Variants in GPC6 observed in about 807,000 individuals in gnomAD.
The protein encoded by GPC6 is glypican-6.
GPC6 carries 14 observed loss-of-function variants against 55.2 expected under a neutral mutation model. The observed-to-expected ratio is 0.25, with a 90% confidence interval of 0.17 to 0.40. GPC6 has a LOEUF of 0.40. Ranked by LOEUF, GPC6 falls within the 10% of genes least tolerant of loss-of-function variation. GPC6 has a pLI of 1.00. For synonymous variants in GPC6, 278 were observed against 259.6 expected (o/e 1.07, Z -0.68); for missense variants, 641 against 708.5 (o/e 0.90, Z 1.08).
chr13:94,093,352 T>G (rs964951844), intron 4 of GPC6, among the ~76,000 whole-genome samples: 1 of 152,138 alleles, frequency 6.6e-6, no homozygotes, highest in African/African-American at 2.4e-5. Context: ...CAGCATTTAT[T>G]GAAGATACTT....
intron 4 of GPC6, among the ~76,000 whole-genome samples, chr13:94,279,800 T>C (rs1892319710): frequency 6.6e-6 from 1 of 152,238 alleles, no homozygotes; most frequent in African/African-American, 2.4e-5. Flanking sequence ...CACTGTGGTC[T>C]GAGAGACTAT....
At chr13:94,016,202 G>A (rs890033977) in intron 3 of GPC6, among the ~76,000 whole-genome samples, 4 of 152,138 alleles carry the variant, frequency 2.6e-5, no homozygotes, top group African/African-American at 9.7e-5. Context: ...TCATGATGTA[G>A]CATATGATAG....
chr13:94,305,259 G>A (rs1430725431), intron 5 of GPC6, among the ~76,000 whole-genome samples: 2 of 152,148 alleles, frequency 1.3e-5, no homozygotes, highest in African/African-American at 4.8e-5. Flanking sequence ...AAGCCACTGG[G>A]CACAACAGTT....
chr13:93,234,508 G>GA (rs1187605840), intron 1 of GPC6, among the ~76,000 whole-genome samples: 3 of 152,148 alleles, frequency 2.0e-5, no homozygotes, highest in Non-Finnish European at 2.9e-5. Context: ...GGATTGAGGG[G>GA]AAAAAACAGA....
rs564034454 is a variant in GPC6, at chr13:93,317,823, C to T, written c.160+90207C>T. Among the ~76,000 whole-genome samples, 43 of 151,972 alleles carry T rather than the reference C, an allele frequency of 2.8e-4. No homozygotes were observed. The East Asian group carries it at 8.1e-3, about 29-fold the overall frequency. On this transcript the variant is annotated intron_variant, in intron 1 of 8. Coordinates refer to ENST00000377047, the MANE Select transcript of GPC6 (RefSeq NM_005708.5). ...CTTGTTATACAGTCTGTCTTTTTTC[C>T]TTTTGGAATTTCTTTTGTCTGTTAC...
intron 3 of GPC6, among the ~76,000 whole-genome samples, chr13:93,994,608 C>A (rs1881454550): frequency 6.6e-6 from 1 of 152,142 alleles, no homozygotes; most frequent in South Asian, 2.1e-4. Flanking sequence ...AACAGCCCCA[C>A]AAGCCAGGAA....
chr13:93,987,108 C>T (rs1484464760), intron 3 of GPC6, among the ~76,000 whole-genome samples: 4 of 152,126 alleles, frequency 2.6e-5, no homozygotes, highest in African/African-American at 9.7e-5. Flanking sequence ...AATACGCTCT[C>T]TCATGAGAAT....
chr13:93,406,054 A>G (rs1243870115), intron 1 of GPC6, among the ~76,000 whole-genome samples: 2 of 152,234 alleles, frequency 1.3e-5, no homozygotes, highest in Non-Finnish European at 2.9e-5. Flanking sequence ...CTTAGATTCC[A>G]GCATTTGCAT....
chr13:93,405,331 CA>C (rs1208753137), intron 1 of GPC6, among the ~76,000 whole-genome samples: 1 of 152,096 alleles, frequency 6.6e-6, no homozygotes, highest in Non-Finnish European at 1.5e-5. Flanking sequence ...GTATGGGATT[CA>C]AAAATGGACC....
At chr13:93,612,541 A>ACACACACACT (rs1236381421) in intron 2 of GPC6, among the ~76,000 whole-genome samples, 2 of 150,932 alleles carry the variant, frequency 1.3e-5, no homozygotes, top group Non-Finnish European at 2.9e-5. Flanking sequence ...ACACACACAC[A>ACACACACACT]CAAACTTCAT....
At chr13:93,343,654 T>C (rs564576711) in intron 1 of GPC6, among the ~76,000 whole-genome samples, 1 of 152,342 alleles carries the variant, frequency 6.6e-6, no homozygotes, top group African/African-American at 2.4e-5. Flanking sequence ...ATGAAGACCC[T>C]TTTAATGCCT....
At chr13:93,611,540 C>A (rs533025114) in intron 2 of GPC6, among the ~76,000 whole-genome samples, 5 of 152,166 alleles carry the variant, frequency 3.3e-5, no homozygotes, top group Admixed American at 6.5e-5. Context: ...TTTTAAAATT[C>A]TAAAGCTTTG....
At chr13:94,238,014 G>A (rs553398242) in intron 4 of GPC6, among the ~76,000 whole-genome samples, 1 of 152,136 alleles carries the variant, frequency 6.6e-6, no homozygotes, top group Admixed American at 6.6e-5. Context: ...TTTTGGAAGA[G>A]GAATTAGTAG....
At chr13:93,838,346 T>A (rs1887818614) in intron 3 of GPC6, among the ~76,000 whole-genome samples, 1 of 151,802 alleles carries the variant, frequency 6.6e-6, no homozygotes, top group Admixed American at 6.6e-5. Flanking sequence ...CATCTTAGAG[T>A]AGGGAATCAT....
At chr13:93,280,678 A>G (rs529046997) in intron 1 of GPC6, among the ~76,000 whole-genome samples, 1 of 152,344 alleles carries the variant, frequency 6.6e-6, no homozygotes, top group African/African-American at 2.4e-5. Context: ...CGCTTTACTT[A>G]TATGTATATG....
chr13:93,761,856 CA>C (rs531241517), intron 2 of GPC6, among the ~76,000 whole-genome samples: 115 of 152,210 alleles, frequency 7.6e-4, no homozygotes, highest in South Asian at 7.2e-3. Flanking sequence ...GAAATACTAT[CA>C]TTTTTTTGTG....
intron 2 of GPC6, among the ~76,000 whole-genome samples, chr13:93,575,223 G>A (rs1594280535): frequency 6.6e-6 from 1 of 152,208 alleles, no homozygotes. Context: ...CCCGGGAGGC[G>A]GAGGTTGGAG....
At chr13:94,217,844 C>T (rs894972725) in intron 4 of GPC6, among the ~76,000 whole-genome samples, 4 of 152,138 alleles carry the variant, frequency 2.6e-5, no homozygotes, top group East Asian at 3.9e-4. Flanking sequence ...TCTCTCAAGG[C>T]CTTCATTTTC....
intron 1 of GPC6, among the ~76,000 whole-genome samples, chr13:93,441,102 C>T (rs897132976): frequency 6.6e-6 from 1 of 152,098 alleles, no homozygotes; most frequent in Non-Finnish European, 1.5e-5. Context: ...CATTGATGGA[C>T]ATTTGGGTTG....
Sources: gnomAD v4.1 joint callset for allele counts (sites outside exome capture counted in the v4.1 genomes callset) on GRCh38, gnomAD v4.1.1 for gene constraint, MANE v1.5 for transcripts, NCBI Gene and HGNC (gene_info 2026-07-23, HGNC 2026-07-21) for gene names.